CSMD1: variants seen among roughly 807,000 people sequenced by gnomAD.
CSMD1 encodes CUB and sushi domain-containing protein 1.
A neutral mutation model predicts 417.5 loss-of-function variants in CSMD1; 213 were observed. That is an observed-to-expected ratio of 0.51 (90% CI 0.46 to 0.57). CSMD1 has a LOEUF of 0.57. Ranked by LOEUF, CSMD1 falls within the 20% of genes least tolerant of loss-of-function variation. The pLI is 0.00. For missense variants in CSMD1, 6,923 were observed against 4,529.7 expected (o/e 1.53, Z -15.17); for synonymous variants, 2,862 against 1,736.8 (o/e 1.65, Z -16.11).
chr8:3,389,698 A>C (rs1295829337), intron 17 of CSMD1, among the ~76,000 whole-genome samples: 2 of 152,114 alleles, frequency 1.3e-5, no homozygotes, highest in African/African-American at 2.4e-5. Flanking sequence ...TAAACCATAA[A>C]CTAAACTTTT....
chr8:4,933,212 C>G (rs1807368528), intron 1 of CSMD1, among the ~76,000 whole-genome samples: 1 of 151,824 alleles, frequency 6.6e-6, no homozygotes, highest in African/African-American at 2.4e-5. Context: ...CTTCTGTCTT[C>G]TGAATCATGT....
chr8:4,139,456 G>A lies in CSMD1; in HGVS notation c.416-107357C>T, dbSNP rs559725518. Among the ~76,000 whole-genome samples the A allele has an allele frequency of 3.5e-5, 5 of 144,528 alleles. 1 individual carries two copies. The highest frequency in any genetic ancestry group is 2.1e-4 in the South Asian group (1 of 4,832). The allele number at this position is 144,528 out of a possible 152,430, so 94.8% of individuals were successfully genotyped here. ...GAAGGAAGACTCTATGCCTGCCCTGGAGGCGTGGACAGTCCAGTGAGGAAG... is the reference window on the plus strand; with the variant it reads ...GAAGGAAGACTCTATGCCTGCCCTGAAGGCGTGGACAGTCCAGTGAGGAAG... On this transcript the variant is annotated intron_variant, in intron 3 of 69. Transcript: ENST00000635120.
intron 10 of CSMD1, among the ~76,000 whole-genome samples, chr8:3,505,885 T>G (rs1796802828): frequency 6.6e-6 from 1 of 152,188 alleles, no homozygotes; most frequent in African/African-American, 2.4e-5. Flanking sequence ...TAAGATTAAT[T>G]TAAAAAACAG....
intron 3 of CSMD1, among the ~76,000 whole-genome samples, chr8:4,041,159 G>A (rs1393577313): frequency 1.3e-5 from 2 of 151,624 alleles, no homozygotes; most frequent in African/African-American, 4.8e-5. Flanking sequence ...TGGGACTACA[G>A]GCGCCCGCCA....
chr8:4,352,725 C>T (rs1801169129), intron 3 of CSMD1, among the ~76,000 whole-genome samples: 1 of 152,208 alleles, frequency 6.6e-6, no homozygotes, highest in South Asian at 2.1e-4. Context: ...TAAGAACCCT[C>T]TGTTCTGAGA....
At chr8:3,234,144 C>G (rs889869325) in intron 26 of CSMD1, among the ~76,000 whole-genome samples, 2 of 152,180 alleles carry the variant, frequency 1.3e-5, no homozygotes, top group Non-Finnish European at 2.9e-5. Flanking sequence ...CTCCACATCA[C>G]AGAGGATCAG....
intron 3 of CSMD1, among the ~76,000 whole-genome samples, chr8:4,230,428 G>C (rs1801650170): frequency 6.6e-6 from 1 of 152,114 alleles, no homozygotes; most frequent in South Asian, 2.1e-4. Flanking sequence ...GGTCTAACCT[G>C]TGACTTAACA....
chr8:4,258,939 T>C (rs1311555574), intron 3 of CSMD1, among the ~76,000 whole-genome samples: 2 of 152,198 alleles, frequency 1.3e-5, no homozygotes, highest in Non-Finnish European at 2.9e-5. Context: ...CAAACTTATT[T>C]CATCGACTTA....
chr8:3,988,946 C>G (rs1031510971), intron 5 of CSMD1, among the ~76,000 whole-genome samples: 5 of 152,048 alleles, frequency 3.3e-5, no homozygotes, highest in Admixed American at 6.5e-5. Context: ...TTTTATAACT[C>G]AAAAAATTTG....
intron 11 of CSMD1, among the ~76,000 whole-genome samples, chr8:3,471,825 A>G (rs899510566): frequency 6.6e-6 from 1 of 152,192 alleles, no homozygotes; most frequent in African/African-American, 2.4e-5. Context: ...GAGGAAAGTA[A>G]ACATACTGTT....
Position 3,848,465 on chromosome 8 carries a change from C to G in CSMD1, c.819-94423G>C, listed in dbSNP as rs752485600. Among the ~76,000 whole-genome samples, 89 of 151,426 alleles carry G rather than the reference C, an allele frequency of 5.9e-4. 1 individual carries two copies. Among genetic ancestry groups the G allele is most frequent in the Middle Eastern group, 3.2e-3 (1 of 314 alleles). On this transcript the variant is annotated intron_variant, in intron 5 of 69. Coordinates refer to ENST00000635120, the MANE Select transcript of CSMD1 (RefSeq NM_033225.6). ...AATAGTTACTTAAGTTCTCTGAGTACTTAATTCAGTTAATTGATCTGGATT... is the reference window on the plus strand; with the variant it reads ...AATAGTTACTTAAGTTCTCTGAGTAGTTAATTCAGTTAATTGATCTGGATT...
intron 3 of CSMD1, among the ~76,000 whole-genome samples, chr8:4,049,290 G>A (rs897728574): frequency 6.6e-6 from 1 of 151,822 alleles, no homozygotes; most frequent in African/African-American, 2.4e-5. Context: ...GAGATTGTCT[G>A]GCTGTAGGAC....
chr8:4,529,899 TTTTTTA>T (rs1796707144), intron 2 of CSMD1, among the ~76,000 whole-genome samples: 4 of 151,536 alleles, frequency 2.6e-5, no homozygotes, highest in Non-Finnish European at 5.9e-5. Context: ...TTTATTTAAT[TTTTTTA>T]TTTTTATTTA....
In CSMD1 at chr8:3,667,960, G is replaced by A. The variant is rs115339289; in HGVS notation, c.1009+40454C>T. 1.8e-3 allele frequency among the ~76,000 whole-genome samples: 279 copies of A among 152,242 alleles called. 2 individuals are homozygous for A. The highest frequency in any genetic ancestry group is 6.8e-3 in the Middle Eastern group (2 of 294). On this transcript the variant is annotated intron_variant, in intron 7 of 69. Transcript: ENST00000635120. ...ATTCACCCACCCATTTCCTCCCTGCGTCTTTCTAACAGAGCCCCAATCCCG... is the reference window on the plus strand; with the variant it reads ...ATTCACCCACCCATTTCCTCCCTGCATCTTTCTAACAGAGCCCCAATCCCG...
At chr8:4,313,812 G>C (rs78505191) in intron 3 of CSMD1, among the ~76,000 whole-genome samples, 2 of 151,526 alleles carry the variant, frequency 1.3e-5, no homozygotes, top group Non-Finnish European at 2.9e-5. Context: ...TCAGGAGTTC[G>C]AGACTAGCCT....
intron 2 of CSMD1, among the ~76,000 whole-genome samples, chr8:4,429,769 C>G (rs1298243559): frequency 6.6e-6 from 1 of 152,134 alleles, no homozygotes; most frequent in African/African-American, 2.4e-5. Flanking sequence ...AGAAGTGCTC[C>G]ACCCGTATTT....
chr8:4,928,885 A>G (rs912330884), intron 1 of CSMD1, among the ~76,000 whole-genome samples: 5 of 152,250 alleles, frequency 3.3e-5, no homozygotes, highest in Admixed American at 1.3e-4. Flanking sequence ...GCCTGCCAAC[A>G]TGGTGAAACC....
intron 49 of CSMD1, among the ~76,000 whole-genome samples, chr8:3,065,814 A>T (rs1365523381): frequency 6.6e-6 from 1 of 152,212 alleles, no homozygotes; most frequent in East Asian, 1.9e-4. Context: ...GTATTAACAA[A>T]GCTGAGAAAC....
At chr8:4,686,025 T>G (rs368060612) in intron 1 of CSMD1, among the ~76,000 whole-genome samples, 1 of 152,316 alleles carries the variant, frequency 6.6e-6, no homozygotes, top group Middle Eastern at 3.4e-3. Flanking sequence ...ATTCCACAGT[T>G]GTTTTATGAA....
Sources: gnomAD v4.1 joint callset for allele counts (sites outside exome capture counted in the v4.1 genomes callset) on GRCh38, gnomAD v4.1.1 for gene constraint, MANE v1.5 for transcripts, NCBI Gene and HGNC (gene_info 2026-07-23, HGNC 2026-07-21) for gene names.